INPP5D: variants seen among roughly 807,000 people sequenced by gnomAD.
INPP5D encodes the protein inositol polyphosphate-5-phosphatase D, also known as phosphatidylinositol 3,4,5-trisphosphate 5-phosphatase 1.
In INPP5D, 33 loss-of-function variants were observed where a neutral mutation model predicts 122.9. That is an observed-to-expected ratio of 0.27 (90% CI 0.20 to 0.36). The LOEUF (loss-of-function observed/expected upper bound fraction) is 0.36. INPP5D is among the 10% of genes least tolerant of loss of function. The pLI is 1.00. For missense variants in INPP5D, 1,053 were observed against 1,412.7 expected (o/e 0.75, Z 4.08); for synonymous variants, 584 against 576.2 (o/e 1.01, Z -0.19).
At chr2:233,126,746 C>G (rs1326646776) in intron 4 of INPP5D, among the ~76,000 whole-genome samples, 1 of 152,068 alleles carries the variant, frequency 6.6e-6, no homozygotes. Flanking sequence ...ATGGCAAAAC[C>G]CCTTCTCCAC....
intron 2 of INPP5D, among the ~76,000 whole-genome samples, chr2:233,085,571 T>A (rs1315040419): frequency 3.3e-5 from 5 of 152,166 alleles, no homozygotes; most frequent in Non-Finnish European, 7.3e-5. Context: ...GTTCGGCTTG[T>A]TCACTTTGCA....
intron 5 of INPP5D, chr2:233,131,142 C>T: frequency 1.0e-6 from 1 of 979,270 alleles, no homozygotes. Context: ...TTTCTGATGT[C>T]CGATCCATTG....
At chr2:233,106,011 G>A (rs1692459381) in intron 2 of INPP5D, among the ~76,000 whole-genome samples, 1 of 152,214 alleles carries the variant, frequency 6.6e-6, no homozygotes, top group South Asian at 2.1e-4. Context: ...CAAGTTGTGT[G>A]ACATTGGACA....
At chr2:233,185,781 G>C (rs1451006997) in intron 20 of INPP5D, 62 bp from the exon 21 acceptor site, 1 of 1,486,746 alleles carries the variant, frequency 6.7e-7, no homozygotes, top group Non-Finnish European at 9.0e-7. Flanking sequence ...TGACCCCAGG[G>C]AGTCTTTTCT....
At chr2:233,196,390 C>T (rs907483115) in intron 24 of INPP5D, among the ~76,000 whole-genome samples, 3 of 152,194 alleles carry the variant, frequency 2.0e-5, no homozygotes, top group Non-Finnish European at 4.4e-5. Context: ...CTAGAGAAAT[C>T]AAGGCAAATT....
rs1270911267 is a variant in INPP5D at position 233,187,173 on chromosome 2, G to A, written c.2358+1248G>A. Among the ~76,000 whole-genome samples, 14 of 149,158 alleles carry A rather than the reference G, an allele frequency of 9.4e-5. No homozygotes were observed. In the Admixed American group the frequency reaches 9.6e-4, roughly 10 times the overall value. On this transcript the variant is annotated intron_variant, in intron 21 of 26. Coordinates refer to ENST00000445964, the MANE Select transcript of INPP5D (RefSeq NM_001017915.3). ...CACTCCAGCCTGGGTGATGCAGTGAGACGCTGTCTCTTTTTTTGTTCATTT... is the reference window on the plus strand; with the variant it reads ...CACTCCAGCCTGGGTGATGCAGTGAAACGCTGTCTCTTTTTTTGTTCATTT...
At chr2:233,174,083 GTCT>G (rs780970158) in intron 17 of INPP5D, among the ~76,000 whole-genome samples, 4 of 152,164 alleles carry the variant, frequency 2.6e-5, no homozygotes, top group Non-Finnish European at 4.4e-5. Context: ...TGATGACAAT[GTCT>G]TCTTCTGGTT....
intron 9 of INPP5D, among the ~76,000 whole-genome samples, chr2:233,147,842 G>T (rs1693810029): frequency 6.6e-6 from 1 of 152,154 alleles, no homozygotes; most frequent in African/African-American, 2.4e-5. Context: ...CAATTGGGTA[G>T]TGTCTGTAGC....
intron 25 of INPP5D, among the ~76,000 whole-genome samples, chr2:233,198,605 A>T (rs927957789): frequency 1.3e-5 from 2 of 152,252 alleles, no homozygotes; most frequent in Non-Finnish European, 2.9e-5. Flanking sequence ...AAAAATTTGT[A>T]AAGATATTGC....
At chr2:233,177,000 A>G (rs1225560646) in intron 17 of INPP5D, among the ~76,000 whole-genome samples, 1 of 152,092 alleles carries the variant, frequency 6.6e-6, no homozygotes, top group Admixed American at 6.6e-5. Context: ...GAAGGTGAAG[A>G]TACAAGGGAT....
chr2:233,071,306 A>T (rs1276741500), intron 1 of INPP5D, among the ~76,000 whole-genome samples: 1 of 152,038 alleles, frequency 6.6e-6, no homozygotes, highest in Non-Finnish European at 1.5e-5. Flanking sequence ...AAGGAAAAAA[A>T]AAAAGATTTA....
intron 18 of INPP5D, 96 bp from the exon 19 acceptor site, chr2:233,182,314 A>G: frequency 6.4e-7 from 1 of 1,557,438 alleles, no homozygotes; most frequent in Non-Finnish European, 8.7e-7. Flanking sequence ...GGAGGGCTCC[A>G]TAACTAAAGT....
At chr2:233,163,332 C>T (rs1256315949) in intron 11 of INPP5D, among the ~76,000 whole-genome samples, 2 of 152,138 alleles carry the variant, frequency 1.3e-5, no homozygotes, top group South Asian at 2.1e-4. Flanking sequence ...GGTTAGAACC[C>T]GCCATCTAAA....
chr2:233,074,392 G>A (rs1440883947), intron 1 of INPP5D, among the ~76,000 whole-genome samples: 1 of 152,190 alleles, frequency 6.6e-6, no homozygotes, highest in Non-Finnish European at 1.5e-5. Flanking sequence ...TACTCGGCCA[G>A]CCTCACCTCC....
At position 233,119,999 on chromosome 2, in the gene INPP5D, A is replaced by C. The variant is rs1692923332; in HGVS notation, c.199-2108A>C. Among the ~76,000 whole-genome samples, 3 of 152,238 alleles carry C rather than the reference A, an allele frequency of 2.0e-5. No individual in the cohort carries two copies. The South Asian group carries it at 6.2e-4, about 31-fold the overall frequency. On this transcript the variant is annotated intron_variant, in intron 2 of 26. Coordinates refer to ENST00000445964, the MANE Select transcript of INPP5D (RefSeq NM_001017915.3). Reference sequence around the variant, plus strand: ...GCCAACGCTTGGCCCAGCCACGCTCAGGCCAGATGCCACCTGCTCACCAAC... The same window carrying C: ...GCCAACGCTTGGCCCAGCCACGCTCCGGCCAGATGCCACCTGCTCACCAAC...
chr2:233,097,015 A>T (rs1333420283), intron 2 of INPP5D, among the ~76,000 whole-genome samples: 10 of 152,166 alleles, frequency 6.6e-5, no homozygotes, highest in Non-Finnish European at 1.5e-4. Context: ...TTTTATGTTT[A>T]GCTCTTTATT....
At position 233,100,823 on chromosome 2, in the gene INPP5D, A is replaced by G. The variant is rs1265049283; in HGVS notation, c.199-21284A>G. On this transcript the variant is annotated intron_variant, in intron 2 of 26. Transcript: ENST00000445964. This position sits in a 1 kb window ranked among gnomAD's most constrained non-coding sequence, Gnocchi z 5.3. ...CTGGAGGGCTCACTTTTGTCACTGC[A>G]CTTGCCACCCAGAACACTGTTACTG... Among the ~76,000 whole-genome samples the G allele has an allele frequency of 6.6e-6, 1 of 152,200 alleles. No homozygotes were observed. The highest frequency in any genetic ancestry group is 2.4e-5 in the African/African-American group (1 of 41,444).
intron 5 of INPP5D, among the ~76,000 whole-genome samples, chr2:233,131,715 CAAAG>C (rs1259775959): frequency 6.6e-6 from 1 of 152,028 alleles, no homozygotes; most frequent in Non-Finnish European, 1.5e-5. Flanking sequence ...AACAAACAAA[CAAAG>C]GAAAGAAAGG....
At chr2:233,196,267 T>C (rs1189632870) in intron 24 of INPP5D, among the ~76,000 whole-genome samples, 1 of 152,176 alleles carries the variant, frequency 6.6e-6, no homozygotes, top group Non-Finnish European at 1.5e-5. Context: ...TGCGAGTCTG[T>C]TGACCGCTGG....
Sources: gnomAD v4.1 joint callset for allele counts (sites outside exome capture counted in the v4.1 genomes callset) on GRCh38, gnomAD v4.1.1 for gene constraint, Gnocchi (gnomAD v3.1) non-coding constraint, MANE v1.5 for transcripts, NCBI Gene and HGNC (gene_info 2026-07-23, HGNC 2026-07-21) for gene names.